The following SLC2A13 variants were observed in gnomAD, a reference collection of about 807,000 sequenced individuals.
The protein encoded by SLC2A13 is solute carrier family 2 member 13.
A neutral mutation model predicts 64.4 loss-of-function variants in SLC2A13; 32 were observed. The ratio of observed to expected loss-of-function variants is 0.50; its 90% CI spans 0.37 to 0.67. The LOEUF is 0.67. Ranked by LOEUF, SLC2A13 falls within the 30% of genes least tolerant of loss-of-function variation. The probability of loss-of-function intolerance (pLI) is 0.00; values close to 1 mark genes in which losing one functional copy is unlikely to be tolerated. For synonymous variants in SLC2A13, 338 were observed against 327.1 expected, an observed-to-expected ratio of 1.03 and a Z score of -0.36; for missense variants, 743 against 829.2, an observed-to-expected ratio of 0.90 and a Z score of 1.28.
intron 3 of SLC2A13, among the ~76,000 whole-genome samples, chr12:39,980,502 A>T (rs1324584056): frequency 2.0e-5 from 3 of 151,598 alleles, no homozygotes; most frequent in South Asian, 2.1e-4. Context: ...ATGGAAAACA[A>T]AAAAAGGCAG....
chr12:40,035,626 G>A (rs1947971781), intron 2 of SLC2A13, among the ~76,000 whole-genome samples: 1 of 152,108 alleles, frequency 6.6e-6, no homozygotes, highest in Admixed American at 6.5e-5. Context: ...GTTAAAAGCA[G>A]GTAATATATG....
intron 4 of SLC2A13, among the ~76,000 whole-genome samples, chr12:39,889,777 G>A (rs913197037): frequency 3.9e-5 from 6 of 151,906 alleles, no homozygotes; most frequent in Admixed American, 6.6e-5. Context: ...TGATCTGCCC[G>A]CCTTGGCCTC....
At chr12:39,825,747 A>C (rs1942651305) in intron 7 of SLC2A13, among the ~76,000 whole-genome samples, 2 of 152,180 alleles carry the variant, frequency 1.3e-5, no homozygotes, top group East Asian at 1.9e-4. Flanking sequence ...ACATTTTATT[A>C]GTCTTCTTTA....
chr12:40,020,622 C>T lies in SLC2A13; in HGVS notation c.925+7679G>A, dbSNP rs548416933. Among the ~76,000 whole-genome samples the T allele has an allele frequency of 1.3e-4, 20 of 152,106 alleles. No individual in the cohort carries two copies. In the East Asian group the frequency reaches 3.9e-3, roughly 29 times the overall value. On this transcript the variant is annotated intron_variant, in intron 3 of 9. Transcript: ENST00000280871. ...TTCTACAGACTATCCATGGAATTGT[C>T]TTGTTAAACTAAAATGTCCCAACAC...
At chr12:40,017,818 T>C (rs2136202408) in intron 3 of SLC2A13, among the ~76,000 whole-genome samples, 1 of 152,270 alleles carries the variant, frequency 6.6e-6, no homozygotes, top group East Asian at 1.9e-4. Context: ...GCTGCAATTA[T>C]ACAGAGGCTT....
chr12:40,061,645 G>A (rs994486743), intron 1 of SLC2A13, among the ~76,000 whole-genome samples: 16 of 152,088 alleles, frequency 1.1e-4, no homozygotes, highest in African/African-American at 3.9e-4. Flanking sequence ...TTTATACAAG[G>A]GAATTGAACG....
chr12:39,930,258 A>G lies in SLC2A13; in HGVS notation c.1034+20999T>C, dbSNP rs191445930. ...CAGGCCAGGATCATGGGTTGTAGGC[A>G]GCAAGGTGGAGGAGGGGGAAGTGCT... On this transcript the variant is annotated intron_variant, in intron 4 of 9. Transcript: ENST00000280871. 5.9e-5 allele frequency among the ~76,000 whole-genome samples: 9 copies of G among 152,288 alleles called. No homozygotes were observed. In the East Asian group the frequency reaches 1.7e-3, roughly 29 times the overall value.
chr12:40,015,994 A>C (rs1947614657), intron 3 of SLC2A13, among the ~76,000 whole-genome samples: 1 of 152,200 alleles, frequency 6.6e-6, no homozygotes, highest in Non-Finnish European at 1.5e-5. Flanking sequence ...CTCTTTTATT[A>C]GTTTTCAAAA....
At chr12:40,087,640 AAC>A (rs1938627172) in intron 1 of SLC2A13, among the ~76,000 whole-genome samples, 1 of 152,112 alleles carries the variant, frequency 6.6e-6, no homozygotes, top group African/African-American at 2.4e-5. Flanking sequence ...TCCTGGGATA[AAC>A]ACAAAAACAT....
At chr12:40,092,661 G>T (rs772220885) in intron 1 of SLC2A13, among the ~76,000 whole-genome samples, 18 of 152,328 alleles carry the variant, frequency 1.2e-4, no homozygotes, top group Non-Finnish European at 1.8e-4. Context: ...CTAGTGAAAT[G>T]TATTATAGAA....
chr12:39,920,792 C>T (rs952389226), intron 4 of SLC2A13, among the ~76,000 whole-genome samples: 4 of 151,964 alleles, frequency 2.6e-5, no homozygotes, highest in African/African-American at 9.7e-5. Flanking sequence ...CATAGCATTC[C>T]GATGCATGCA....
chr12:39,780,209 C>G (rs546753663), intron 7 of SLC2A13, among the ~76,000 whole-genome samples: 1 of 151,798 alleles, frequency 6.6e-6, no homozygotes, highest in Non-Finnish European at 1.5e-5. Flanking sequence ...GCATATAAGT[C>G]TTTTTTAAAT....
At chr12:40,042,959 GAAAAAAAAA>G (rs58322891) in intron 2 of SLC2A13, among the ~76,000 whole-genome samples, 1 of 111,462 alleles carries the variant, frequency 9.0e-6, no homozygotes, top group African/African-American at 3.5e-5. Context: ...GCATAAGAAT[GAAAAAAAAA>G]AAAAAAAAAC....
In SLC2A13 at chr12:40,105,933, C is replaced by T. The variant is rs1939295829; in HGVS notation, c.-125G>A. 4 of 1,178,052 alleles carry T rather than the reference C, an allele frequency of 3.4e-6. No individual in the cohort carries two copies. Among genetic ancestry groups the T allele is most frequent in the Non-Finnish European group, 3.2e-6 (3 of 924,888 alleles). The allele number at this position is 1,178,052 out of a possible 1,614,324, so 73.0% of individuals were successfully genotyped here. On this transcript the variant is annotated 5_prime_UTR_variant, in exon 1 of 10. Coordinates refer to ENST00000280871, the MANE Select transcript of SLC2A13 (RefSeq NM_052885.4). This position sits in a 1 kb window ranked among gnomAD's most constrained non-coding sequence, Gnocchi z 4.2. ...GCCGCTTTCTTCCTCCCGGCTTCCG[C>T]TCCGGCTGCCACGGCAGCAGCCGCC... is the stretch of plus-strand genomic sequence containing the variant.
intron 3 of SLC2A13, among the ~76,000 whole-genome samples, chr12:39,972,911 T>C (rs1285660270): frequency 9.2e-5 from 14 of 151,914 alleles, no homozygotes; most frequent in Non-Finnish European, 1.3e-4. Context: ...CTACTAAAAA[T>C]ACAAAATTAG....
intron 3 of SLC2A13, among the ~76,000 whole-genome samples, chr12:40,010,522 A>G (rs950470396): frequency 1.3e-5 from 2 of 152,170 alleles, no homozygotes; most frequent in South Asian, 2.1e-4. Flanking sequence ...TGTATTGTCT[A>G]CAATCTCCAT....
chr12:40,079,651 G>A (rs1228803489), intron 1 of SLC2A13, among the ~76,000 whole-genome samples: 1 of 152,152 alleles, frequency 6.6e-6, no homozygotes, highest in African/African-American at 2.4e-5. Context: ...TAGGTCCCTA[G>A]TATCTGTTTC....
chr12:39,823,025 A>G (rs1377880962), intron 7 of SLC2A13, among the ~76,000 whole-genome samples: 1 of 152,210 alleles, frequency 6.6e-6, no homozygotes, highest in African/African-American at 2.4e-5. Context: ...GGGAGTCTAA[A>G]TTTCTGAACC....
chr12:39,759,760 T>A lies in SLC2A13; in HGVS notation c.*266A>T. ...AAGTCACTGGGTACAATATTCATTT[T>A]AGACTATTTCAGGAAGGCATTACAC... On this transcript the variant is annotated 3_prime_UTR_variant, in exon 10 of 10. Transcript: ENST00000280871. 2.6e-6 allele frequency: 1 copy of A among 390,196 alleles called. No individual in the cohort carries two copies. 24.2% of individuals were successfully genotyped at this position (390,196 alleles called of 1,614,324 possible). A position where few individuals can be genotyped will look rare whatever the true frequency, so the allele number is the denominator to read the frequency against.
Sources: gnomAD v4.1 joint callset for allele counts (sites outside exome capture counted in the v4.1 genomes callset) on GRCh38, gnomAD v4.1.1 for gene constraint, Gnocchi (gnomAD v3.1) non-coding constraint, MANE v1.5 for transcripts, NCBI Gene and HGNC (gene_info 2026-07-23, HGNC 2026-07-21) for gene names.